FRMPD4: variants seen among roughly 807,000 people sequenced by gnomAD.
FRMPD4 encodes FERM and PDZ domain-containing protein 4.
FRMPD4 carries 22 observed loss-of-function variants against 94.1 expected under a neutral mutation model. The observed-to-expected ratio is 0.23, with a 90% CI of 0.17 to 0.33. FRMPD4 has a LOEUF of 0.33. Among genes scored for constraint, FRMPD4 ranks in the 10% least tolerant of loss-of-function variants. The pLI, the probability that FRMPD4 is intolerant of heterozygous loss-of-function variation, is 1.00. For synonymous variants in FRMPD4, 631 were observed against 548.6 expected (o/e 1.15, Z -2.10); for missense variants, 1,111 against 1,339.9 (o/e 0.83, Z 2.67).
rs1039533903 is a variant in FRMPD4, at chrX:12,453,793, A to C, written c.42-44887A>C. On this transcript the variant is annotated intron_variant, in intron 1 of 16. Transcript: ENST00000675598. ...TCAGCCAAGTTTTGATTTCTGATATAGAATGAGCACTTTGATGATTTGCAT... is the reference window on the plus strand; with the variant it reads ...TCAGCCAAGTTTTGATTTCTGATATCGAATGAGCACTTTGATGATTTGCAT... Among the ~76,000 whole-genome samples the C allele has an allele frequency of 8.0e-5, 9 of 112,372 alleles. No homozygotes were observed. In the East Asian group the frequency reaches 2.5e-3, roughly 31 times the overall value.
chrX:12,426,515 A>G (rs2056946382), intron 1 of FRMPD4, among the ~76,000 whole-genome samples: 1 of 111,632 alleles, frequency 9.0e-6, no homozygotes, highest in African/African-American at 3.3e-5. Context: ...TAATGTAGAC[A>G]ATCTTGTTTT....
chrX:12,375,053 G>C (rs544560301), intron 1 of FRMPD4: 1 of 111,855 alleles, frequency 8.9e-6, no homozygotes, highest in African/African-American at 3.3e-5. Context: ...GTCCAATCCC[G>C]ACCTAGCGTC....
rs1243774911 is a variant in FRMPD4, at chrX:12,327,207, C to A, written c.42-171473C>A. 5.3e-5 allele frequency among the ~76,000 whole-genome samples: 6 copies of A among 112,234 alleles called. No homozygotes were observed. The East Asian group carries it at 1.7e-3, about 31-fold the overall frequency. ...ACATGAATATGTATTGTCTGTCTGGCATTTTGAACTGAAATCTTCACCATA... is the reference window on the plus strand; with the variant it reads ...ACATGAATATGTATTGTCTGTCTGGAATTTTGAACTGAAATCTTCACCATA... On this transcript the variant is annotated intron_variant, in intron 1 of 16. Coordinates refer to ENST00000675598, the MANE Select transcript of FRMPD4 (RefSeq NM_001368397.1).
chrX:12,166,807 C>A (rs765754248), intron 1 of FRMPD4, among the ~76,000 whole-genome samples: 2 of 111,815 alleles, frequency 1.8e-5, no homozygotes, highest in East Asian at 2.8e-4. Flanking sequence ...GGAATTTATC[C>A]ATTTCTTCTA....
chrX:11,978,109 T>C (rs765745234), intron 3 of FRMPD4, among the ~76,000 whole-genome samples: 16 of 108,238 alleles, frequency 1.5e-4, no homozygotes, highest in African/African-American at 5.4e-4. Flanking sequence ...GATTACGAGG[T>C]AAGGAGATCG....
chrX:12,696,817 A>C (rs1184119152), intron 9 of FRMPD4, among the ~76,000 whole-genome samples: 1 of 112,160 alleles, frequency 8.9e-6, no homozygotes, highest in African/African-American at 3.2e-5. Flanking sequence ...TAGAAAAAAA[A>C]GTAGGCGGAA....
chrX:12,571,296 G>T lies in FRMPD4; in HGVS notation c.159-38425G>T, dbSNP rs1364990849. The stretch of plus-strand genomic sequence containing the variant: ...GTATTTGCAGCTAGGTGTTGCTATG[G>T]CAACAGTTAAAAAAATTTTTTTAAA... On this transcript the variant is annotated intron_variant, in intron 2 of 16. Coordinates refer to ENST00000675598, the MANE Select transcript of FRMPD4 (RefSeq NM_001368397.1). 2.7e-5 allele frequency among the ~76,000 whole-genome samples: 3 copies of T among 112,593 alleles called. No homozygotes were observed. In the East Asian group the frequency reaches 8.3e-4, roughly 31 times the overall value.
chrX:11,979,069 C>G (rs983143500), intron 3 of FRMPD4, among the ~76,000 whole-genome samples: 8 of 111,638 alleles, frequency 7.2e-5, no homozygotes, highest in African/African-American at 2.0e-4. Context: ...GTACCCACCA[C>G]CCAGATAAAG....
At chrX:12,567,050 C>T (rs149100195) in intron 2 of FRMPD4, among the ~76,000 whole-genome samples, 1 of 111,498 alleles carries the variant, frequency 9.0e-6, no homozygotes, top group African/African-American at 3.3e-5. Context: ...AGTCATTATA[C>T]ATTTTCCTCT....
intron 3 of FRMPD4, among the ~76,000 whole-genome samples, chrX:12,047,375 T>C (rs915613853): frequency 2.7e-5 from 3 of 111,691 alleles, no homozygotes; most frequent in African/African-American, 6.5e-5. Flanking sequence ...TCAGAACTTA[T>C]GATATGTAGC....
intron 1 of FRMPD4, among the ~76,000 whole-genome samples, chrX:11,830,936 C>T (rs914429659): frequency 3.6e-5 from 4 of 111,056 alleles, no homozygotes; most frequent in African/African-American, 1.3e-4. Context: ...TGGCTACATA[C>T]GGACTTTTGG....
At chrX:12,553,248 C>A (rs2058557134) in intron 2 of FRMPD4, among the ~76,000 whole-genome samples, 1 of 108,747 alleles carries the variant, frequency 9.2e-6, no homozygotes, top group African/African-American at 3.4e-5. Flanking sequence ...ACAAAATATT[C>A]TTTGCTCTAC....
intron 3 of FRMPD4, among the ~76,000 whole-genome samples, chrX:11,926,933 C>T (rs2054092208): frequency 9.0e-6 from 1 of 111,265 alleles, no homozygotes; most frequent in African/African-American, 3.3e-5. Context: ...AAATGGTATC[C>T]AAATAGGGAG....
At chrX:12,695,302 T>C (rs1345873897) in intron 9 of FRMPD4, among the ~76,000 whole-genome samples, 1 of 112,558 alleles carries the variant, frequency 8.9e-6, no homozygotes, top group Non-Finnish European at 1.9e-5. Context: ...ACTTCGACTC[T>C]TGGTTAAGGT....
In FRMPD4 at chrX:12,455,169, A is replaced by G. The variant is rs59870384; in HGVS notation, c.42-43511A>G. ...TGCAACTTCTCTGCAACCTAAAATT[A>G]TACCAAAATAAAAAGTTTATTAAAA... On this transcript the variant is annotated intron_variant, in intron 1 of 16. Coordinates refer to ENST00000675598, the MANE Select transcript of FRMPD4 (RefSeq NM_001368397.1). 4.5e-4 allele frequency among the ~76,000 whole-genome samples: 50 copies of G among 111,101 alleles called. 2 individuals carry two copies. In the East Asian group the frequency reaches 0.014, roughly 31 times the overall value.
intron 1 of FRMPD4, among the ~76,000 whole-genome samples, chrX:12,489,046 T>G (rs2057766746): frequency 1.8e-5 from 2 of 111,991 alleles, no homozygotes; most frequent in Admixed American, 1.9e-4. Flanking sequence ...TTATGACTCA[T>G]GAATCTGAAA....
At chrX:12,084,086 G>A (rs1045173947) in intron 3 of FRMPD4, among the ~76,000 whole-genome samples, 11 of 107,222 alleles carry the variant, frequency 1.0e-4, no homozygotes, top group African/African-American at 3.8e-4. Context: ...GGGGCCAGGG[G>A]GCAGAATGAT....
chrX:12,431,281 G>GT (rs2057007180), intron 1 of FRMPD4, among the ~76,000 whole-genome samples: 1 of 112,341 alleles, frequency 8.9e-6, no homozygotes, highest in Non-Finnish European at 1.9e-5. Context: ...CGTGAGACCA[G>GT]TGTCAAAGGG....
chrX:12,668,841 G>A (rs2059810089), intron 4 of FRMPD4, among the ~76,000 whole-genome samples: 1 of 110,775 alleles, frequency 9.0e-6, no homozygotes, highest in Non-Finnish European at 1.9e-5. Flanking sequence ...CTGACCTCAG[G>A]TGATCCACCC....
Sources: gnomAD v4.1 joint callset for allele counts (sites outside exome capture counted in the v4.1 genomes callset) on GRCh38, gnomAD v4.1.1 for gene constraint, MANE v1.5 for transcripts, NCBI Gene and HGNC (gene_info 2026-07-23, HGNC 2026-07-21) for gene names.